The following TULP4 variants were observed in gnomAD, a reference collection of about 807,000 sequenced individuals.
The protein encoded by TULP4 is TUB like protein 4.
A neutral mutation model predicts 129.0 loss-of-function variants in TULP4; 16 were observed. The observed-to-expected ratio is 0.12, with a 90% CI of 0.08 to 0.19. The LOEUF is 0.19. TULP4 is among the 10% of genes least tolerant of loss of function. The probability of loss-of-function intolerance (pLI) is 1.00; values close to 1 mark genes in which losing one functional copy is unlikely to be tolerated. For missense variants in TULP4, 1,842 were observed against 2,059.1 expected, an observed-to-expected ratio of 0.89 and a Z score of 2.04; for synonymous variants, 998 against 854.0, an observed-to-expected ratio of 1.17 and a Z score of -2.94.
At chr6:158,372,416 T>A (rs1777094511) in intron 1 of TULP4, among the ~76,000 whole-genome samples, 1 of 152,114 alleles carries the variant, frequency 6.6e-6, no homozygotes, top group African/African-American at 2.4e-5. Flanking sequence ...ACCACAAGAC[T>A]TACTGAGTTA....
intron 1 of TULP4, among the ~76,000 whole-genome samples, chr6:158,254,117 G>A (rs534506370): frequency 5.3e-5 from 8 of 152,094 alleles, no homozygotes; most frequent in Middle Eastern, 3.4e-3. Context: ...GTGGAGAAGG[G>A]AATCCTGGTT....
At chr6:158,241,048 A>G (rs1261273361) in intron 1 of TULP4, among the ~76,000 whole-genome samples, 1 of 126,738 alleles carries the variant, frequency 7.9e-6, no homozygotes, top group African/African-American at 2.8e-5. Context: ...CCGGGTAGAG[A>G]CGCTCCTCAC....
At chr6:158,464,494 C>T (rs1013483158) in intron 6 of TULP4, among the ~76,000 whole-genome samples, 13 of 152,168 alleles carry the variant, frequency 8.5e-5, no homozygotes, top group Admixed American at 7.2e-4. Flanking sequence ...CAACACCCCC[C>T]GCCGCAAGAC....
intron 1 of TULP4, among the ~76,000 whole-genome samples, chr6:158,344,096 C>G (rs1218463749): frequency 6.6e-6 from 1 of 152,198 alleles, no homozygotes; most frequent in Admixed American, 6.5e-5. Context: ...TTGTAATCTC[C>G]TCCACCCTTA....
chr6:158,374,174 C>T (rs1290494245), intron 1 of TULP4, among the ~76,000 whole-genome samples: 1 of 151,966 alleles, frequency 6.6e-6, no homozygotes, highest in Admixed American at 6.6e-5. Flanking sequence ...ATAGCCCCAG[C>T]TACGTGGGAG....
At chr6:158,312,297 C>T (rs187078429), upstream of TULP4, 189 of 393,906 alleles carry the variant, frequency 4.8e-4, no homozygotes, top group African/African-American at 3.2e-3. Flanking sequence ...CTCAGGAGCC[C>T]GGGGAGAAAA....
chr6:158,239,361 G>A (rs1386970191), intron 1 of TULP4, among the ~76,000 whole-genome samples: 4 of 70,490 alleles, frequency 5.7e-5, no homozygotes, highest in Non-Finnish European at 1.0e-4. Flanking sequence ...GGGCAGGGGG[G>A]CTGACACCCC....
chr6:158,289,255 T>A (rs1778887508), intron 1 of TULP4, among the ~76,000 whole-genome samples: 1 of 152,084 alleles, frequency 6.6e-6, no homozygotes, highest in South Asian at 2.1e-4. Context: ...TGTAGTTAGT[T>A]GTAGCCCTCT....
intron 1 of TULP4, among the ~76,000 whole-genome samples, chr6:158,249,046 GC>G (rs2128451133): frequency 1.3e-5 from 2 of 148,306 alleles, no homozygotes; most frequent in East Asian, 4.0e-4. Context: ...GATCACTTGA[GC>G]CCAGGGAGGT....
chr6:158,237,718 T>G, intron 1 of TULP4: 1 of 944,016 alleles, frequency 1.1e-6, no homozygotes, highest in Non-Finnish European at 1.7e-6. Flanking sequence ...TTCCTTTGGT[T>G]GACTATCTCT....
At chr6:158,276,401 C>T (rs138468826) in intron 1 of TULP4, among the ~76,000 whole-genome samples, 2,320 of 150,300 alleles carry the variant, frequency 0.015, 63 homozygotes, top group African/African-American at 0.054. Flanking sequence ...AACTCCTGGG[C>T]TCAAGTCATC....
upstream of TULP4, among the ~76,000 whole-genome samples, chr6:158,279,941 T>A (rs1778719370): frequency 1.3e-5 from 2 of 152,212 alleles, no homozygotes; most frequent in South Asian, 4.1e-4. Flanking sequence ...AGGTGATGCT[T>A]CTTTACGGCG....
intron 2 of TULP4, among the ~76,000 whole-genome samples, chr6:158,415,507 G>A (rs533349233): frequency 6.7e-6 from 1 of 149,858 alleles, no homozygotes; most frequent in Non-Finnish European, 1.5e-5. Context: ...CCACCACCAC[G>A]CCCGGCTAAT....
intron 1 of TULP4, among the ~76,000 whole-genome samples, chr6:158,321,176 T>C (rs771770425): frequency 1.4e-4 from 22 of 152,182 alleles, no homozygotes; most frequent in Non-Finnish European, 2.6e-4. Flanking sequence ...TGTTTTTGTT[T>C]TTAAACTGCA....
intron 1 of TULP4, among the ~76,000 whole-genome samples, chr6:158,287,148 G>A (rs551007043): frequency 1.3e-5 from 2 of 152,152 alleles, no homozygotes; most frequent in African/African-American, 4.8e-5. Context: ...AAGAGGAGAG[G>A]CCAACCTGGA....
intron 1 of TULP4, among the ~76,000 whole-genome samples, chr6:158,333,772 A>G (rs1439475611): frequency 6.6e-6 from 1 of 152,214 alleles, no homozygotes; most frequent in Non-Finnish European, 1.5e-5. Flanking sequence ...GTACTGTTCT[A>G]TTTTGTCATT....
chr6:158,367,360 C>T (rs143714905), intron 1 of TULP4, among the ~76,000 whole-genome samples: 306 of 152,280 alleles, frequency 2.0e-3, no homozygotes, highest in African/African-American at 6.5e-3. Flanking sequence ...TTTTTACAAG[C>T]TTCTAAAGTC....
At chr6:158,399,750 G>A (rs554185358) in intron 1 of TULP4, among the ~76,000 whole-genome samples, 1 of 152,304 alleles carries the variant, frequency 6.6e-6, no homozygotes, top group South Asian at 2.1e-4. Context: ...GGTGAGACTT[G>A]CTCAAAGTCC....
chr6:158,370,070 G>A (rs767981657), intron 1 of TULP4, among the ~76,000 whole-genome samples: 1 of 151,942 alleles, frequency 6.6e-6, no homozygotes. Flanking sequence ...GGCATAGCTG[G>A]GCATCGTGGC....
Sources: gnomAD v4.1 joint callset for allele counts (sites outside exome capture counted in the v4.1 genomes callset) on GRCh38, gnomAD v4.1.1 for gene constraint, MANE v1.5 for transcripts, NCBI Gene and HGNC (gene_info 2026-07-23, HGNC 2026-07-21) for gene names.